TRMT11: variants seen among roughly 807,000 people sequenced by gnomAD.
The protein encoded by TRMT11 is tRNA (guanine(10)-N(2))-methyltransferase TRMT11.
A neutral mutation model predicts 62.8 loss-of-function variants in TRMT11; 53 were observed. The ratio of observed to expected loss-of-function variants is 0.84; its 90% CI spans 0.68 to 1.06. The LOEUF is 1.06. Among genes scored for constraint, TRMT11 ranks in the 50% least tolerant of loss-of-function variants. The probability of loss-of-function intolerance (pLI) is 0.00; values close to 1 mark genes in which losing one functional copy is unlikely to be tolerated. For missense variants in TRMT11, 556 were observed against 553.4 expected, an observed-to-expected ratio of 1.00 and a Z score of -0.05; for synonymous variants, 188 against 190.3, an observed-to-expected ratio of 0.99 and a Z score of 0.10.
intron 1 of TRMT11, among the ~76,000 whole-genome samples, chr6:126,185,023 C>T (rs893574837): frequency 3.3e-5 from 5 of 152,140 alleles, no homozygotes; most frequent in African/African-American, 1.2e-4. Context: ...GAGATCATGT[C>T]TTTCTTCCTG....
intron 21 of TRMT11, among the ~76,000 whole-genome samples, chr6:126,127,703 G>A (rs1359889258): frequency 1.5e-5 from 2 of 133,770 alleles, no homozygotes; most frequent in Non-Finnish European, 3.0e-5. Flanking sequence ...CCCTTCCTGT[G>A]TCCATGTGTT....
chr6:126,147,245 G>A lies in TRMT11; in HGVS notation c.*1824-27580G>A, dbSNP rs139389759. On this transcript the variant is annotated intron_variant and NMD_transcript_variant, in intron 21 of 22. Transcript: ENST00000648977. ...TAGAGCTATTTTTGTGGATTTTTTCGTTCTCTTTCCCCCCTTTTATTGGTA... is the reference window on the plus strand; with the variant it reads ...TAGAGCTATTTTTGTGGATTTTTTCATTCTCTTTCCCCCCTTTTATTGGTA... Among the ~76,000 whole-genome samples the A allele has an allele frequency of 8.9e-3, 1,348 of 152,158 alleles. 18 individuals carry two copies. The highest frequency in any genetic ancestry group is 0.031 in the African/African-American group (1,296 of 41,510).
intron 11 of TRMT11, among the ~76,000 whole-genome samples, chr6:126,013,743 A>G (rs1194263708): frequency 6.6e-6 from 1 of 152,200 alleles, no homozygotes; most frequent in East Asian, 1.9e-4. Flanking sequence ...TGTGACAGAA[A>G]CATACAGTAT....
chr6:126,165,053 CG>C (rs1778242148), intron 21 of TRMT11, among the ~76,000 whole-genome samples: 1 of 151,880 alleles, frequency 6.6e-6, no homozygotes, highest in African/African-American at 2.4e-5. Flanking sequence ...CTTAGGTGGG[CG>C]AATCACAAGG....
chr6:126,218,317 T>C, the TRMT11 span, among the ~76,000 whole-genome samples: 2 of 152,150 alleles, frequency 1.3e-5, no homozygotes, highest in African/African-American at 4.8e-5. Context: ...CACAGCTGGG[T>C]ATGTGCTGGG....
the TRMT11 span, among the ~76,000 whole-genome samples, chr6:126,268,790 A>G: frequency 4.6e-5 from 7 of 152,310 alleles, no homozygotes; most frequent in East Asian, 1.4e-3. Flanking sequence ...TTAAAATTGG[A>G]TATTAAAACA....
At chr6:126,184,575 G>A (rs548293451) in intron 1 of TRMT11, among the ~76,000 whole-genome samples, 2 of 152,270 alleles carry the variant, frequency 1.3e-5, no homozygotes, top group South Asian at 4.1e-4. Flanking sequence ...GCAGACTGAG[G>A]CTGCCTGTTT....
chr6:126,035,419 ATGT>A (rs759451857), intron 12 of TRMT11, among the ~76,000 whole-genome samples: 5 of 152,092 alleles, frequency 3.3e-5, no homozygotes, highest in Admixed American at 2.0e-4. Flanking sequence ...TAAATGATAG[ATGT>A]TGTGTTTTGC....
At chr6:126,146,061 C>T (rs1177408338) in intron 21 of TRMT11, among the ~76,000 whole-genome samples, 2 of 152,172 alleles carry the variant, frequency 1.3e-5, no homozygotes, top group Non-Finnish European at 2.9e-5. Flanking sequence ...CCTGGGAGAA[C>T]TTAACCTTCA....
At chr6:125,989,074 T>C (rs1476605974) in intron 1 of TRMT11, among the ~76,000 whole-genome samples, 1 of 150,868 alleles carries the variant, frequency 6.6e-6, no homozygotes, top group East Asian at 2.0e-4. Flanking sequence ...AGAGAGGTGG[T>C]AAGATCTAGA....
intron 17 of TRMT11, among the ~76,000 whole-genome samples, chr6:126,070,486 A>C (rs1444485197): frequency 6.6e-6 from 1 of 152,218 alleles, no homozygotes; most frequent in East Asian, 1.9e-4. Context: ...TGGACTCATG[A>C]GATCAGAAAC....
At chr6:126,239,911 T>C in the TRMT11 span, among the ~76,000 whole-genome samples, 10 of 152,332 alleles carry the variant, frequency 6.6e-5, no homozygotes, top group African/African-American at 2.4e-4. Flanking sequence ...TCATTTCTTT[T>C]TATGCTTTTT....
the TRMT11 span, among the ~76,000 whole-genome samples, chr6:126,246,546 G>T: frequency 6.6e-6 from 1 of 152,148 alleles, no homozygotes; most frequent in Non-Finnish European, 1.5e-5. Flanking sequence ...AGTGATAGCT[G>T]CATCCACGGA....
At chr6:126,030,722 A>T (rs1774039970) in intron 12 of TRMT11, among the ~76,000 whole-genome samples, 1 of 152,238 alleles carries the variant, frequency 6.6e-6, no homozygotes, top group South Asian at 2.1e-4. Flanking sequence ...TTATATCATT[A>T]TCAGGAACTG....
At chr6:126,108,892 A>G (rs1201127460) in intron 17 of TRMT11, among the ~76,000 whole-genome samples, 2 of 152,136 alleles carry the variant, frequency 1.3e-5, no homozygotes, top group African/African-American at 4.8e-5. Context: ...CCTGAAAAGG[A>G]CACTCTTCTA....
At chr6:126,244,225 C>G in the TRMT11 span, among the ~76,000 whole-genome samples, 1 of 151,266 alleles carries the variant, frequency 6.6e-6, no homozygotes, top group African/African-American at 2.4e-5. Flanking sequence ...TAACATACAG[C>G]TAAACTAAAA....
intron 20 of TRMT11, among the ~76,000 whole-genome samples, chr6:126,115,724 G>C (rs1432906101): frequency 6.6e-6 from 1 of 151,956 alleles, no homozygotes; most frequent in East Asian, 1.9e-4. Flanking sequence ...TGTGACTCTG[G>C]GTTTTTTTCA....
chr6:126,183,033 T>G (rs930415956), intron 1 of TRMT11, among the ~76,000 whole-genome samples: 1 of 152,112 alleles, frequency 6.6e-6, no homozygotes, highest in Non-Finnish European at 1.5e-5. Flanking sequence ...AACAAGTGAA[T>G]TAACACACCC....
chr6:126,043,547 A>C (rs1775948633), downstream of TRMT11, among the ~76,000 whole-genome samples: 2 of 150,486 alleles, frequency 1.3e-5, no homozygotes, highest in Non-Finnish European at 3.0e-5. Context: ...AGCATGATTT[A>C]TAGTCCTTTG....
Sources: gnomAD v4.1 joint callset for allele counts (sites outside exome capture counted in the v4.1 genomes callset) on GRCh38, gnomAD v4.1.1 for gene constraint, MANE v1.5 for transcripts, NCBI Gene and HGNC (gene_info 2026-07-23, HGNC 2026-07-21) for gene names.